The following CX3CL1 variants were observed in gnomAD, a reference collection of about 807,000 sequenced individuals.
CX3CL1 encodes fractalkine.
Under a neutral mutation model 14.1 loss-of-function variants are expected in CX3CL1, and 1 was observed. That is an observed-to-expected ratio of 0.07 (90% CI 0.03 to 0.34). CX3CL1 has a LOEUF of 0.34. CX3CL1 is among the 10% of genes least tolerant of loss of function. CX3CL1 has a pLI of 0.99. For missense variants in CX3CL1, 505 were observed against 536.4 expected, an observed-to-expected ratio of 0.94 and a Z score of 0.58; for synonymous variants, 255 against 229.6, an observed-to-expected ratio of 1.11 and a Z score of -1.00.
At chr16:57,377,298 T>G (rs1902259460) in intron 1 of CX3CL1, 1 of 152,278 alleles carries the variant, frequency 6.6e-6, no homozygotes, top group African/African-American at 2.4e-5. Context: ...CAATAGGGCC[T>G]GGGGAGGCTG....
Position 57,372,556 on chromosome 16 carries a change from C to A in CX3CL1, c.-13C>A, listed in dbSNP as rs372653051. 6.0e-5 allele frequency: 96 copies of A among 1,610,800 alleles called. No individual in the cohort carries two copies. Among genetic ancestry groups the A allele is most frequent in the Non-Finnish European group, 7.8e-5 (92 of 1,179,774 alleles). Reference sequence around the variant, plus strand: ...TGCCTGGCCCCCGCCGGGACTCTTGCCCACCCTCAGCCATGGCTCCGATAT... The same window carrying A: ...TGCCTGGCCCCCGCCGGGACTCTTGACCACCCTCAGCCATGGCTCCGATAT... On this transcript the variant is annotated 5_prime_UTR_variant, in exon 1 of 3. Transcript: ENST00000006053.
In CX3CL1 at chr16:57,382,395, TCCGAGTG is replaced by T. The variant is rs774384575; in HGVS notation, c.560_566del (p.Arg187LeufsTer240). ...GGAGGGCCTGTGGGCACGGAGCTTT[TCCGAGTG>T]CCTCCCGTCTCCACTGCCGCCACGT... On this transcript the variant is annotated frameshift_variant, in exon 3 of 3. Coordinates refer to ENST00000006053, the MANE Select transcript of CX3CL1 (RefSeq NM_002996.6). LOFTEE classifies it low-confidence loss of function (END_TRUNC). The surrounding 1 kb of genome is among the most constrained non-coding windows in gnomAD (Gnocchi z 6.9). 6.2e-7 allele frequency: 1 copy of T among 1,612,030 alleles called. No homozygotes were observed. The highest frequency in any genetic ancestry group is 8.5e-7 in the Non-Finnish European group (1 of 1,179,976).
chr16:57,380,532 T>A (rs1449584011), intron 2 of CX3CL1, among the ~76,000 whole-genome samples: 1 of 152,118 alleles, frequency 6.6e-6, no homozygotes, highest in Admixed American at 6.6e-5. Flanking sequence ...CACTCTGGCC[T>A]GGGCAACATT....
At chr16:57,372,747 G>A (rs1902196088) in intron 1 of CX3CL1, 109 bp downstream of exon 1, 6 of 1,088,790 alleles carry the variant, frequency 5.5e-6, no homozygotes, top group Non-Finnish European at 8.1e-6. Context: ...TAAAGCTCAA[G>A]GCCGGTGGCA....
rs138968060 is a variant in CX3CL1 at position 57,382,618 on chromosome 16, G to A, written c.780G>A (p.Leu260=). The change falls in exon 3 of 3, where the codon CTG becomes CTA. Residue 260 remains leucine, a synonymous_variant. Coordinates refer to ENST00000006053, the MANE Select transcript of CX3CL1 (RefSeq NM_002996.6). The surrounding 1 kb of genome is among the most constrained non-coding windows in gnomAD (Gnocchi z 6.9). ...QGQSPRPENS[L]EREEMGPVPA... is the part of the protein sequence containing the mutation. ...AGAGCCCCAGGCCAGAGAACTCTCT[G>A]GAGCGGGAGGAGATGGGTCCCGTGC... 1.8e-4 allele frequency: 298 copies of A among 1,613,906 alleles called. No homozygotes were observed. In the African/African-American group the frequency reaches 3.4e-3, roughly 18 times the overall value.
intron 2 of CX3CL1, among the ~76,000 whole-genome samples, chr16:57,380,592 G>T (rs999623708): frequency 6.6e-6 from 1 of 152,122 alleles, no homozygotes; most frequent in Non-Finnish European, 1.5e-5. Context: ...AGTAAATAAA[G>T]TGCCTGGCAG....
At chr16:57,377,313 T>G (rs1405004226) in intron 1 of CX3CL1, 3 of 152,266 alleles carry the variant, frequency 2.0e-5, no homozygotes, top group Non-Finnish European at 4.4e-5. Context: ...AGGCTGCAGG[T>G]GAGTCAGTCT....
intron 1 of CX3CL1, among the ~76,000 whole-genome samples, 161 bp downstream of exon 1, chr16:57,372,799 G>A (rs1178003440): frequency 8.5e-5 from 13 of 152,148 alleles, no homozygotes; most frequent in African/African-American, 3.1e-4. Flanking sequence ...TGGGCACCTC[G>A]CTTCCCCCAG....
At chr16:57,374,779 A>G (rs1463230994) in intron 1 of CX3CL1, among the ~76,000 whole-genome samples, 1 of 152,232 alleles carries the variant, frequency 6.6e-6, no homozygotes, top group Non-Finnish European at 1.5e-5. Context: ...CAGAGGACAC[A>G]TAACACACAA....
chr16:57,374,278 C>G (rs1365540879), intron 1 of CX3CL1, among the ~76,000 whole-genome samples: 1 of 151,960 alleles, frequency 6.6e-6, no homozygotes, highest in Non-Finnish European at 1.5e-5. Context: ...AGCTGCTGCC[C>G]TGACTAGTGT....
chr16:57,378,358 C>T (rs924998237), intron 1 of CX3CL1: 4 of 152,148 alleles, frequency 2.6e-5, no homozygotes, highest in Non-Finnish European at 5.9e-5. Context: ...CAAGACCAGC[C>T]TGGGCAACAT....
Position 57,379,642 on chromosome 16 carries a change from C to G in CX3CL1, c.79C>G (p.His27Asp). 1 of 1,614,202 alleles carries G rather than the reference C, an allele frequency of 6.2e-7. No individual in the cohort carries two copies. The highest frequency in any genetic ancestry group is 8.5e-7 in the Non-Finnish European group (1 of 1,180,042). The part of the protein sequence containing the change: ...HLTVLLAGQH[H>D]GVTKCNITCS... ...AACCTCTTTGAACTCAGGACAGCACCACGGTGTGACGAAATGCAACATCAC... is the reference window on the plus strand; with the variant it reads ...AACCTCTTTGAACTCAGGACAGCACGACGGTGTGACGAAATGCAACATCAC... The change falls in exon 2 of 3, where the codon CAC becomes GAC. Residue 27 changes from histidine to aspartate, a missense_variant. His to Asp is a moderately conservative substitution (Grantham distance 81). Coordinates refer to ENST00000006053, the MANE Select transcript of CX3CL1 (RefSeq NM_002996.6).
rs1437564023 is a variant in CX3CL1, at chr16:57,382,423, C to T, written c.585C>T (p.Ala195=). Residue 195 remains alanine (A), a synonymous_variant, in exon 3 of 3, where the codon GCC becomes GCT. Transcript: ENST00000006053. This position sits in a 1 kb window ranked among gnomAD's most constrained non-coding sequence, Gnocchi z 6.9. ...GAGTGCCTCCCGTCTCCACTGCCGC[C>T]ACGTGGCAGAGTTCTGCTCCCCACC... ...LFRVPPVSTA[A]TWQSSAPHQP... is the part of the protein sequence containing the mutation. 37 of 1,612,760 alleles carry T rather than the reference C, an allele frequency of 2.3e-5. No individual in the cohort carries two copies. Among genetic ancestry groups the T allele is most frequent in the Non-Finnish European group, 2.9e-5 (34 of 1,180,010 alleles).
rs1158940904 is a variant in CX3CL1 at position 57,382,391 on chromosome 16, C to G, written c.553C>G (p.Leu185Val). The G allele has an allele frequency of 3.7e-6, 6 of 1,611,994 alleles. No individual in the cohort carries two copies. The East Asian group carries it at 1.3e-4, about 36-fold the overall frequency. Reference protein sequence around the residue: ...AQDGGPVGTELFRVPPVSTAA... With the variant: ...AQDGGPVGTEVFRVPPVSTAA... ...GGATGGAGGGCCTGTGGGCACGGAGCTTTTCCGAGTGCCTCCCGTCTCCAC... is the reference window on the plus strand; with the variant it reads ...GGATGGAGGGCCTGTGGGCACGGAGGTTTTCCGAGTGCCTCCCGTCTCCAC... The change falls in exon 3 of 3, where the codon CTT becomes GTT. Residue 185 changes from leucine (L) to valine (V), a missense_variant. Coordinates refer to ENST00000006053, the MANE Select transcript of CX3CL1 (RefSeq NM_002996.6). The surrounding 1 kb of genome is among the most constrained non-coding windows in gnomAD (Gnocchi z 6.9).
intron 1 of CX3CL1, among the ~76,000 whole-genome samples, chr16:57,375,088 C>T (rs1218658350): frequency 2.0e-5 from 3 of 148,472 alleles, no homozygotes; most frequent in East Asian, 2.0e-4. Context: ...TGGAGTGAGC[C>T]GAGATCGTGT....
chr16:57,372,781 G>A (rs1471442160), intron 1 of CX3CL1, 143 bp downstream of exon 1: 20 of 756,364 alleles, frequency 2.6e-5, no homozygotes, highest in Non-Finnish European at 4.3e-5. Context: ...GGATGTGCGA[G>A]AGGGGGCTGG....
chr16:57,379,859 C>A, intron 2 of CX3CL1, 105 bp downstream of exon 2: 1 of 1,358,050 alleles, frequency 7.4e-7, no homozygotes, highest in Non-Finnish European at 1.0e-6. Flanking sequence ...CCTGGGCTCC[C>A]AGCCAAAGGC....
At chr16:57,376,439 A>G (rs1405347254) in intron 1 of CX3CL1, among the ~76,000 whole-genome samples, 1 of 126,490 alleles carries the variant, frequency 7.9e-6, no homozygotes, top group Non-Finnish European at 1.7e-5. Context: ...TGAATCAGGA[A>G]GTGGATGGAT....
At chr16:57,380,604 G>T (rs149743280) in intron 2 of CX3CL1, among the ~76,000 whole-genome samples, 1 of 152,194 alleles carries the variant, frequency 6.6e-6, no homozygotes, top group African/African-American at 2.4e-5. Context: ...GCCTGGCAGG[G>T]TGCTGTCAGT....
Sources: allele counts gnomAD v4.1 joint callset (sites outside exome capture counted in the v4.1 genomes callset), GRCh38; gene constraint gnomAD v4.1.1; non-coding constraint Gnocchi (gnomAD v3.1); transcripts MANE v1.5; gene names NCBI Gene and HGNC (gene_info 2026-07-23, HGNC 2026-07-21).